The following SERPINB7 variants were observed in gnomAD, a reference collection of about 807,000 sequenced individuals.
SERPINB7 encodes serpin family B member 7.
SERPINB7 carries 31 observed loss-of-function variants against 37.4 expected under a neutral mutation model. That is an observed-to-expected ratio of 0.83 (90% CI 0.62 to 1.12). The LOEUF (loss-of-function observed/expected upper bound fraction) is 1.12. Ranked by LOEUF, SERPINB7 falls within the 50% of genes most tolerant of loss-of-function variation. The pLI is 0.00. For synonymous variants in SERPINB7, 163 were observed against 166.1 expected, an observed-to-expected ratio of 0.98 and a Z score of 0.14; for missense variants, 521 against 455.3, an observed-to-expected ratio of 1.14 and a Z score of -1.31.
Position 63,804,461 on chromosome 18 carries a change from C to A in SERPINB7, c.969C>A (p.His323Gln). Residue 323 changes from histidine to glutamine, a missense_variant, in exon 8 of 8, where the codon CAC becomes CAA. Transcript: ENST00000398019. The stretch of plus-strand genomic sequence containing the variant: ...GTCTGTATATATCAAGGATGATGCA[C>A]AAATCTTACATAGAGGTCACTGAGG... ...GGRLYISRMM[H>Q]KSYIEVTEEG... 3 of 1,613,716 alleles carry A rather than the reference C, an allele frequency of 1.9e-6. No individual in the cohort carries two copies. The highest frequency in any genetic ancestry group is 2.5e-6 in the Non-Finnish European group (3 of 1,179,862).
rs761022335 is a variant in SERPINB7, at chr18:63,792,422, T to C, written c.198T>C (p.Tyr66=). ...KLLHVNTASG[Y]GNSSNSQSGL... ...TTCATGTTAACACTGCCTCAGGATATGGAAACTCTTCTAATAGTCAGGTAA... is the reference window on the plus strand; with the variant it reads ...TTCATGTTAACACTGCCTCAGGATACGGAAACTCTTCTAATAGTCAGGTAA... The change falls in exon 3 of 8, where the codon TAT becomes TAC. Residue 66 remains tyrosine, a synonymous_variant. Transcript: ENST00000398019. The C allele has an allele frequency of 6.8e-5, 109 of 1,603,698 alleles. No homozygotes were observed. Among genetic ancestry groups the C allele is most frequent in the Middle Eastern group, 1.7e-4 (1 of 6,060 alleles).
chr18:63,793,092 ATG>A, intron 3 of SERPINB7, 67 bp from the exon 4 acceptor site: 1 of 771,896 alleles, frequency 1.3e-6, no homozygotes, highest in Non-Finnish European at 2.0e-6. Flanking sequence ...GTTTTGTTTT[ATG>A]TGTAAGTGAG....
At chr18:63,796,242 C>A in intron 4 of SERPINB7, 24 bp from the exon 5 acceptor site, 1 of 1,316,712 alleles carries the variant, frequency 7.6e-7, no homozygotes. Flanking sequence ...TTTGTAAATA[C>A]GAGAACTATA....
rs1316306700 is a variant in SERPINB7 at position 63,783,212 on chromosome 18, GAGAGAGAGAGAGAGAGAGAGAGAAAGAA to G, written c.168+676_168+703del. Among the ~76,000 whole-genome samples the G allele has an allele frequency of 5.7e-3, 410 of 72,246 alleles. 2 individuals carry two copies. Among genetic ancestry groups the G allele is most frequent in the Middle Eastern group, 0.012 (2 of 172 alleles). The allele number at this position is 72,246 out of a possible 152,430, so 47.4% of individuals were successfully genotyped here. ...AGAGAGAGAGAGAGAGAGAGAGAGA[GAGAGAGAGAGAGAGAGAGAGAGAAAGAA>G]AGAAAGAAAGAAAGAAAGAAAGAAA... On this transcript the variant is annotated intron_variant, in intron 2 of 7. Coordinates refer to ENST00000398019, the MANE Select transcript of SERPINB7 (RefSeq NM_003784.4).
intron 1 of SERPINB7, among the ~76,000 whole-genome samples, chr18:63,776,748 T>TA (rs1049844591): frequency 5.9e-5 from 9 of 151,662 alleles, no homozygotes; most frequent in African/African-American, 2.2e-4. Flanking sequence ...ATGATAATTT[T>TA]ATCCACAGTT....
rs1231878277 is a variant in SERPINB7 at position 63,782,441 on chromosome 18, AGGAAAT to A, written c.77_82del (p.Gly26_Asn27del). The A allele has an allele frequency of 6.2e-7, 1 of 1,614,106 alleles. No individual in the cohort carries two copies. Among genetic ancestry groups the A allele is most frequent in the Non-Finnish European group, 8.5e-7 (1 of 1,180,040 alleles). On this transcript the variant is annotated inframe_deletion, in exon 2 of 8. Transcript: ENST00000398019. ...TGTTCAGAGAGATGGATGACAATCA[AGGAAAT>A]GGAAATGTGTTCTTTTCCTCTCTGA...
chr18:63,800,456 G>A (rs1212549409), intron 6 of SERPINB7, among the ~76,000 whole-genome samples: 1 of 152,040 alleles, frequency 6.6e-6, no homozygotes, highest in Non-Finnish European at 1.5e-5. Context: ...ATGTTATTTA[G>A]TAAATTTTCA....
At chr18:63,786,858 C>T (rs1171096083) in intron 2 of SERPINB7, among the ~76,000 whole-genome samples, 4 of 152,072 alleles carry the variant, frequency 2.6e-5, no homozygotes, top group Non-Finnish European at 5.9e-5. Context: ...TAAACAAGCC[C>T]TTTGAAGTTT....
In SERPINB7 at chr18:63,804,826, A is replaced by T; in HGVS notation, c.*191A>T. ...GTTGATTGTCCTGATCCCTGCTCTT[A>T]GCATTCTACCACCATGTGTCTCACC... is the stretch of plus-strand genomic sequence containing the variant. On this transcript the variant is annotated 3_prime_UTR_variant, in exon 8 of 8. Transcript: ENST00000398019. The T allele has an allele frequency of 5.2e-6, 3 of 572,786 alleles. No homozygotes were observed. The highest frequency in any genetic ancestry group is 6.1e-6 in the Non-Finnish European group (2 of 328,680). The allele number at this position is 572,786 out of a possible 1,614,324, so 35.5% of individuals were successfully genotyped here.
chr18:63,790,818 T>C (rs558461590), intron 2 of SERPINB7, among the ~76,000 whole-genome samples: 63 of 152,296 alleles, frequency 4.1e-4, no homozygotes, highest in African/African-American at 1.5e-3. Context: ...TAAATCATTC[T>C]ACTATAAAGA....
intron 1 of SERPINB7, among the ~76,000 whole-genome samples, chr18:63,760,344 C>T (rs2049146370): frequency 6.6e-6 from 1 of 152,074 alleles, no homozygotes; most frequent in Non-Finnish European, 1.5e-5. Context: ...TTCTAAGGAG[C>T]AAAGCATTCG....
At chr18:63,791,535 T>G (rs1262849003) in intron 2 of SERPINB7, among the ~76,000 whole-genome samples, 1 of 152,228 alleles carries the variant, frequency 6.6e-6, no homozygotes, top group Non-Finnish European at 1.5e-5. Flanking sequence ...GCCCAAATGT[T>G]AAAATTATAG....
At chr18:63,762,917 C>T (rs1319708609) in intron 1 of SERPINB7, among the ~76,000 whole-genome samples, 2 of 151,926 alleles carry the variant, frequency 1.3e-5, no homozygotes, top group East Asian at 1.9e-4. Context: ...ATTTAATTAC[C>T]TGCATGTTCT....
chr18:63,776,268 G>C (rs1190040496), intron 1 of SERPINB7, among the ~76,000 whole-genome samples: 1 of 151,824 alleles, frequency 6.6e-6, no homozygotes. Flanking sequence ...AACATCACCA[G>C]AACCTCTAAA....
intron 1 of SERPINB7, among the ~76,000 whole-genome samples, chr18:63,754,299 G>T (rs1266913030): frequency 2.0e-5 from 3 of 152,158 alleles, no homozygotes; most frequent in African/African-American, 7.2e-5. Context: ...CACGCCAAGG[G>T]AATATGTAGT....
chr18:63,765,517 CT>C (rs1466916979), intron 1 of SERPINB7, among the ~76,000 whole-genome samples: 1 of 152,138 alleles, frequency 6.6e-6, no homozygotes, highest in Non-Finnish European at 1.5e-5. Flanking sequence ...CCATCTCTTG[CT>C]TAAAATATTT....
intron 2 of SERPINB7, among the ~76,000 whole-genome samples, chr18:63,786,612 G>A (rs11875551): frequency 0.065 from 7,064 of 108,550 alleles, 593 homozygotes; most frequent in African/African-American, 0.25. Context: ...ATGATTCATA[G>A]TATCTTTTTT....
intron 7 of SERPINB7, 96 bp downstream of exon 7, chr18:63,801,108 T>A: frequency 4.0e-6 from 5 of 1,254,066 alleles, no homozygotes; most frequent in Non-Finnish European, 5.6e-6. Flanking sequence ...TTCAGGGTAT[T>A]GAGATACTAG....
At position 63,790,880 on chromosome 18, in the gene SERPINB7, G is replaced by A. The variant is rs7232027; in HGVS notation, c.169-1513G>A. ...CACTATTCACAATAGCAAAGACTTG[G>A]AACCAACCCAAATGCCCAGCAATGA... On this transcript the variant is annotated intron_variant, in intron 2 of 7. Transcript: ENST00000398019. Among the ~76,000 whole-genome samples, 563 of 152,232 alleles carry A rather than the reference G, an allele frequency of 3.7e-3. 6 individuals carry two copies. Among genetic ancestry groups the A allele is most frequent in the African/African-American group, 0.013 (538 of 41,562 alleles).
Sources: allele counts gnomAD v4.1 joint callset (sites outside exome capture counted in the v4.1 genomes callset), GRCh38; gene constraint gnomAD v4.1.1; transcripts MANE v1.5; gene names NCBI Gene and HGNC (gene_info 2026-07-23, HGNC 2026-07-21).